SLCO1A2: variants seen among roughly 807,000 people sequenced by gnomAD.
The protein encoded by SLCO1A2 is solute carrier organic anion transporter family member 1A2, also known as OATP-1.
Under a neutral mutation model 69.0 loss-of-function variants are expected in SLCO1A2, and 67 were observed. That is an observed-to-expected ratio of 0.97 (90% CI 0.80 to 1.19). The LOEUF is 1.19. SLCO1A2 is among the 50% of genes most tolerant of loss of function. The pLI is 0.00. For synonymous variants in SLCO1A2, 260 were observed against 265.9 expected, an observed-to-expected ratio of 0.98 and a Z score of 0.22; for missense variants, 787 against 793.7, an observed-to-expected ratio of 0.99 and a Z score of 0.10.
chr12:21,409,468 T>C (rs1941873091), intron 1 of SLCO1A2, among the ~76,000 whole-genome samples: 2 of 152,144 alleles, frequency 1.3e-5, no homozygotes, highest in East Asian at 1.9e-4. Flanking sequence ...CAAGGTAGAT[T>C]TGGATATTTG....
intron 8 of SLCO1A2, among the ~76,000 whole-genome samples, chr12:21,298,992 C>T (rs1458237426): frequency 1.3e-5 from 2 of 152,056 alleles, no homozygotes; most frequent in African/African-American, 2.4e-5. Flanking sequence ...ACAATGACAA[C>T]ATAAAAGTAC....
intron 2 of SLCO1A2, among the ~76,000 whole-genome samples, chr12:21,363,875 T>C (rs1233764074): frequency 6.6e-5 from 10 of 152,104 alleles, no homozygotes; most frequent in Admixed American, 6.5e-4. Flanking sequence ...AATAGACCAA[T>C]AACAGGTTCT....
At chr12:21,403,566 T>C (rs1389775760) in intron 1 of SLCO1A2, 2 of 151,966 alleles carry the variant, frequency 1.3e-5, no homozygotes, top group Admixed American at 6.6e-5. Context: ...AGAAGCAGAG[T>C]TGTAAATAAA....
At chr12:21,272,154 T>C (rs897201274) in intron 14 of SLCO1A2, among the ~76,000 whole-genome samples, 1 of 151,752 alleles carries the variant, frequency 6.6e-6, no homozygotes, top group African/African-American at 2.4e-5. Flanking sequence ...ATCAATACTT[T>C]TTTTTAACTT....
intron 2 of SLCO1A2, 55 bp from the exon 3 acceptor site, chr12:21,318,978 G>A: frequency 7.4e-7 from 1 of 1,354,614 alleles, no homozygotes; most frequent in South Asian, 1.4e-5. Flanking sequence ...TTGTATACTT[G>A]CCGTCTGTTG....
In SLCO1A2 at chr12:21,265,438, G is replaced by C. The variant is rs1941970570; in HGVS notation, c.*4110C>G. On this transcript the variant is annotated 3_prime_UTR_variant, in exon 15 of 15. Coordinates refer to ENST00000683939, the MANE Select transcript of SLCO1A2 (RefSeq NM_001386879.1). ...ATGGCATAAGGCCAGAAAGTAGAAG[G>C]TGCTCACTGTGTTTGGGTCACAGGG... The C allele has an allele frequency of 6.6e-6, 1 of 152,368 alleles. No individual in the cohort carries two copies. Among genetic ancestry groups the C allele is most frequent in the South Asian group, 2.1e-4 (1 of 4,832 alleles). The allele number at this position is 152,368 out of a possible 1,614,324, so 9.4% of individuals were successfully genotyped here. A position where few individuals can be genotyped will look rare whatever the true frequency, so the allele number is the denominator to read the frequency against.
chr12:21,286,651 C>A (rs968974882), intron 12 of SLCO1A2, among the ~76,000 whole-genome samples: 5 of 128,726 alleles, frequency 3.9e-5, no homozygotes, highest in African/African-American at 6.4e-5. Flanking sequence ...GGTACTGGTA[C>A]CAAAACAGAG....
intron 1 of SLCO1A2, among the ~76,000 whole-genome samples, chr12:21,407,598 C>G (rs1941841311): frequency 6.6e-6 from 1 of 152,052 alleles, no homozygotes; most frequent in African/African-American, 2.4e-5. Context: ...CTCAGGAGTT[C>G]AAGACTAGCC....
chr12:21,343,568 A>T (rs1953146945), intron 2 of SLCO1A2, among the ~76,000 whole-genome samples: 1 of 152,074 alleles, frequency 6.6e-6, no homozygotes, highest in Non-Finnish European at 1.5e-5. Context: ...TCAAGATTGA[A>T]TGTTTGCCTT....
At chr12:21,307,840 T>G (rs573501878) in intron 4 of SLCO1A2, among the ~76,000 whole-genome samples, 65 of 152,292 alleles carry the variant, frequency 4.3e-4, no homozygotes, top group Admixed American at 2.6e-3. Context: ...CTGATAGTCT[T>G]AATTTCTGTG....
chr12:21,367,344 G>A (rs1053077759), intron 2 of SLCO1A2, among the ~76,000 whole-genome samples: 3 of 152,126 alleles, frequency 2.0e-5, no homozygotes, highest in South Asian at 4.1e-4. Context: ...TTTTTAAAAT[G>A]GAAGAATGAT....
chr12:21,265,908 CTT>C lies in SLCO1A2; in HGVS notation c.*3638_*3639del, dbSNP rs1942021901. 6.6e-6 allele frequency: 1 copy of C among 152,142 alleles called. No individual in the cohort carries two copies. The highest frequency in any genetic ancestry group is 2.4e-5 in the African/African-American group (1 of 41,416). 9.4% of individuals were successfully genotyped at this position (152,142 alleles called of 1,614,324 possible). Reference sequence around the variant, plus strand: ...TATTTTCTTATATAGAAATCATACTCTTTTAACATCTACAACCTCTTCTACCA... The same window carrying C: ...TATTTTCTTATATAGAAATCATACTCTTAACATCTACAACCTCTTCTACCA... On this transcript the variant is annotated 3_prime_UTR_variant, in exon 15 of 15. Coordinates refer to ENST00000683939, the MANE Select transcript of SLCO1A2 (RefSeq NM_001386879.1).
chr12:21,318,458 C>G (rs1035095438), intron 3 of SLCO1A2, among the ~76,000 whole-genome samples: 1 of 152,034 alleles, frequency 6.6e-6, no homozygotes, highest in East Asian at 1.9e-4. Context: ...AAGATGGAAC[C>G]CTTAGTATCC....
chr12:21,310,006 C>G (rs927580611), intron 4 of SLCO1A2, among the ~76,000 whole-genome samples: 3 of 152,014 alleles, frequency 2.0e-5, no homozygotes, highest in African/African-American at 7.2e-5. Context: ...GAAAGCTAAC[C>G]ATATGATATA....
At chr12:21,271,641 A>G (rs1942861131) in intron 14 of SLCO1A2, among the ~76,000 whole-genome samples, 1 of 148,804 alleles carries the variant, frequency 6.7e-6, no homozygotes, top group East Asian at 2.0e-4. Flanking sequence ...AAATATATAC[A>G]TCTTTATATA....
Position 21,375,927 on chromosome 12 carries a change from G to A in SLCO1A2, c.-189-1402C>T, listed in dbSNP as rs181820811. ...ATGAGAAAAAAATGCCTGAAACCAG[G>A]GAGGTAATGCCTTTTATTAACCATT... On this transcript the variant is annotated intron_variant, in intron 1 of 15. Transcript: ENST00000307378. Among the ~76,000 whole-genome samples the A allele has an allele frequency of 3.1e-3, 468 of 152,146 alleles. 6 individuals carry two copies. The highest frequency in any genetic ancestry group is 0.011 in the African/African-American group (450 of 41,520).
intron 2 of SLCO1A2, among the ~76,000 whole-genome samples, chr12:21,331,537 T>C (rs1396742736): frequency 6.6e-6 from 1 of 151,956 alleles, no homozygotes; most frequent in African/African-American, 2.4e-5. Flanking sequence ...AACAATATGA[T>C]TACTGAGCAC....
intron 12 of SLCO1A2, among the ~76,000 whole-genome samples, chr12:21,276,127 G>A (rs1424371446): frequency 1.3e-5 from 2 of 152,084 alleles, no homozygotes; most frequent in Non-Finnish European, 2.9e-5. Context: ...AATTTTAGAA[G>A]TCTCAGATGT....
At position 21,373,774 on chromosome 12, in the gene SLCO1A2, C is replaced by A; in HGVS notation, c.-63+625G>T. ...ATATTAACCTGATACTGAAACAAAC[C>A]AGAGAAACTTAACTAAAGCATATAT... On this transcript the variant is annotated intron_variant, in intron 2 of 15. Transcript: ENST00000307378. 7.4e-6 allele frequency: 5 copies of A among 677,534 alleles called. No individual in the cohort carries two copies. In the South Asian group the frequency reaches 8.0e-5, roughly 11 times the overall value. 42.0% of individuals were successfully genotyped at this position (677,534 alleles called of 1,614,324 possible). A position where few individuals can be genotyped will look rare whatever the true frequency, so the allele number is the denominator to read the frequency against.
Sources: allele counts gnomAD v4.1 joint callset (sites outside exome capture counted in the v4.1 genomes callset), GRCh38; gene constraint gnomAD v4.1.1; transcripts MANE v1.5; gene names NCBI Gene and HGNC (gene_info 2026-07-23, HGNC 2026-07-21).